Variants in CNTNAP2 observed in about 807,000 individuals in gnomAD.
CNTNAP2 encodes the protein contactin-associated protein-like 2.
In CNTNAP2, 98 loss-of-function variants were observed where a neutral mutation model predicts 155.2. The ratio of observed to expected loss-of-function variants is 0.63; its 90% CI spans 0.54 to 0.75. The LOEUF is 0.75. Ranked by LOEUF, CNTNAP2 falls within the 30% of genes least tolerant of loss-of-function variation. The pLI, the probability that CNTNAP2 is intolerant of heterozygous loss-of-function variation, is 0.00. For missense variants in CNTNAP2, 1,727 were observed against 1,688.1 expected (o/e 1.02, Z -0.40); for synonymous variants, 651 against 631.2 (o/e 1.03, Z -0.47).
intron 13 of CNTNAP2, among the ~76,000 whole-genome samples, chr7:147,659,384 G>A (rs1019735716): frequency 1.3e-5 from 2 of 152,184 alleles, no homozygotes; most frequent in African/African-American, 2.4e-5. Flanking sequence ...GAAATTGACT[G>A]TGAAGATATA....
chr7:148,247,664 T>TTTA (rs1304036274), intron 20 of CNTNAP2, among the ~76,000 whole-genome samples: 1 of 148,272 alleles, frequency 6.7e-6, no homozygotes, highest in Non-Finnish European at 1.5e-5. Flanking sequence ...TATTTATTTA[T>TTTA]TTTTTTGGAG....
chr7:147,269,710 A>G (rs1258237012), intron 8 of CNTNAP2, among the ~76,000 whole-genome samples: 1 of 152,148 alleles, frequency 6.6e-6, no homozygotes, highest in Non-Finnish European at 1.5e-5. Flanking sequence ...GGTATTTGCT[A>G]GGCAAAAGTA....
intron 12 of CNTNAP2, among the ~76,000 whole-genome samples, chr7:147,632,492 C>T (rs1479936403): frequency 6.6e-6 from 1 of 152,164 alleles, no homozygotes; most frequent in East Asian, 1.9e-4. Context: ...CTCTCATTCT[C>T]TCTTGCTGCC....
intron 3 of CNTNAP2, among the ~76,000 whole-genome samples, chr7:146,859,990 G>C (rs1362764808): frequency 6.6e-6 from 1 of 152,074 alleles, no homozygotes; most frequent in Non-Finnish European, 1.5e-5. Flanking sequence ...AAGAACAAGA[G>C]ACTTGAGATT....
intron 14 of CNTNAP2, among the ~76,000 whole-genome samples, chr7:147,940,724 C>G (rs925329125): frequency 6.6e-6 from 1 of 151,998 alleles, no homozygotes; most frequent in East Asian, 1.9e-4. Context: ...TATGTAGAGA[C>G]AAGATCTCCC....
chr7:146,241,965 T>G (rs1245474620), intron 1 of CNTNAP2, among the ~76,000 whole-genome samples: 1 of 152,158 alleles, frequency 6.6e-6, no homozygotes, highest in Non-Finnish European at 1.5e-5. Flanking sequence ...AAAATAGGAT[T>G]GAAATTTTAT....
intron 9 of CNTNAP2, among the ~76,000 whole-genome samples, chr7:147,394,807 TTGTGTGTGTGTGTGTGTGTGTG>T (rs61695156): frequency 7.2e-6 from 1 of 139,286 alleles, no homozygotes; most frequent in Non-Finnish European, 1.6e-5. Context: ...ATCAACAGTA[TTGTGTGTGTGTGTGTGTGTGTG>T]TGTGTGTGTG....
At chr7:146,751,772 T>C (rs10247872) in intron 1 of CNTNAP2, among the ~76,000 whole-genome samples, 44,110 of 151,710 alleles carry the variant, frequency 0.29, 8,246 homozygotes, top group African/African-American at 0.53. Flanking sequence ...GCTCTCCCTC[T>C]CCTTGCCCCC....
At chr7:148,239,951 T>C (rs527764698) in intron 20 of CNTNAP2, among the ~76,000 whole-genome samples, 1 of 152,308 alleles carries the variant, frequency 6.6e-6, no homozygotes, top group South Asian at 2.1e-4. Context: ...GAATTTAACA[T>C]GATGATATCT....
chr7:147,630,000 A>C (rs192445692), intron 12 of CNTNAP2, among the ~76,000 whole-genome samples: 68 of 152,208 alleles, frequency 4.5e-4, no homozygotes, highest in African/African-American at 1.6e-3. Flanking sequence ...ATGAAATACA[A>C]ACAAAAAAAT....
intron 15 of CNTNAP2, among the ~76,000 whole-genome samples, chr7:147,979,982 T>C (rs1240338069): frequency 6.6e-6 from 1 of 152,182 alleles, no homozygotes; most frequent in Non-Finnish European, 1.5e-5. Context: ...AAATAGTAGA[T>C]GCTGCAGTAT....
chr7:147,348,615 C>T (rs1795918249), intron 9 of CNTNAP2, among the ~76,000 whole-genome samples: 2 of 151,912 alleles, frequency 1.3e-5, no homozygotes, highest in Admixed American at 6.6e-5. Context: ...AATAGCACTA[C>T]CATATGATCC....
chr7:146,176,642 C>G (rs1379926485), intron 1 of CNTNAP2, among the ~76,000 whole-genome samples: 1 of 152,066 alleles, frequency 6.6e-6, no homozygotes, highest in Non-Finnish European at 1.5e-5. Context: ...ATGTGGGATA[C>G]CTACTATGCA....
chr7:146,539,848 T>G (rs1797924942), intron 1 of CNTNAP2, among the ~76,000 whole-genome samples: 1 of 152,168 alleles, frequency 6.6e-6, no homozygotes, highest in Non-Finnish European at 1.5e-5. Context: ...AAGAAATGTT[T>G]GTTGTATTGA....
intron 1 of CNTNAP2, among the ~76,000 whole-genome samples, chr7:146,202,765 G>A (rs1034990033): frequency 6.6e-6 from 1 of 151,790 alleles, no homozygotes; most frequent in Admixed American, 6.6e-5. Context: ...ATATAAAACT[G>A]CATAAAAATA....
chr7:148,250,960 G>A (rs946019042), intron 20 of CNTNAP2, among the ~76,000 whole-genome samples: 9 of 152,106 alleles, frequency 5.9e-5, no homozygotes, highest in Non-Finnish European at 8.8e-5. Context: ...CAATCCTCCT[G>A]CCTCAGCCTC....
chr7:147,300,728 T>C (rs1794932761), intron 9 of CNTNAP2, among the ~76,000 whole-genome samples: 1 of 152,182 alleles, frequency 6.6e-6, no homozygotes, highest in South Asian at 2.1e-4. Context: ...GACGTCAAAC[T>C]GTTACTTGTG....
chr7:147,271,164 G>A (rs77191425), intron 8 of CNTNAP2, among the ~76,000 whole-genome samples: 1,869 of 152,220 alleles, frequency 0.012, 45 homozygotes, highest in African/African-American at 0.042. Flanking sequence ...ATAACACCTC[G>A]TTAAATTGAA....
chr7:146,351,148 G>A (rs1192537625), intron 1 of CNTNAP2, among the ~76,000 whole-genome samples: 1 of 151,676 alleles, frequency 6.6e-6, no homozygotes, highest in Non-Finnish European at 1.5e-5. Context: ...CCTGCACATT[G>A]TGCACATGTA....
Sources: allele counts gnomAD v4.1 joint callset (sites outside exome capture counted in the v4.1 genomes callset), GRCh38; gene constraint gnomAD v4.1.1; transcripts MANE v1.5; gene names NCBI Gene and HGNC (gene_info 2026-07-23, HGNC 2026-07-21).